Variants in CARMIL1 observed in about 807,000 individuals in gnomAD.
The protein encoded by CARMIL1 is F-actin-uncapping protein LRRC16A.
In CARMIL1, 90 loss-of-function variants were observed where a neutral mutation model predicts 177.1. The ratio of observed to expected loss-of-function variants is 0.51; its 90% CI spans 0.43 to 0.61. The LOEUF is 0.61. Among genes scored for constraint, CARMIL1 ranks in the 20% least tolerant of loss-of-function variants. CARMIL1 has a pLI of 0.00. For synonymous variants in CARMIL1, 577 were observed against 606.2 expected, an observed-to-expected ratio of 0.95 and a Z score of 0.71; for missense variants, 1,380 against 1,667.0, an observed-to-expected ratio of 0.83 and a Z score of 3.00.
intron 2 of CARMIL1, among the ~76,000 whole-genome samples, chr6:25,374,169 T>G (rs1790747747): frequency 6.6e-6 from 1 of 152,238 alleles, no homozygotes; most frequent in Admixed American, 6.5e-5. Context: ...AGGCATTTAG[T>G]GCTATAAACT....
intron 33 of CARMIL1, among the ~76,000 whole-genome samples, chr6:25,604,272 G>A (rs756096300): frequency 6.6e-6 from 1 of 152,024 alleles, no homozygotes; most frequent in African/African-American, 2.4e-5. Flanking sequence ...GAGATGGGGG[G>A]TCTCACTATG....
chr6:25,434,225 A>C (rs1442444740), intron 4 of CARMIL1, among the ~76,000 whole-genome samples: 1 of 152,082 alleles, frequency 6.6e-6, no homozygotes, highest in East Asian at 1.9e-4. Flanking sequence ...TTGAGATTAA[A>C]GAAAATGGCA....
chr6:25,289,119 A>G (rs1319939453), intron 2 of CARMIL1, among the ~76,000 whole-genome samples: 2 of 152,212 alleles, frequency 1.3e-5, no homozygotes, highest in Non-Finnish European at 2.9e-5. Flanking sequence ...TAGGCTCTCC[A>G]TCATTAGGAG....
chr6:25,428,087 T>C (rs1259690933), intron 4 of CARMIL1, among the ~76,000 whole-genome samples: 1 of 152,212 alleles, frequency 6.6e-6, no homozygotes, highest in African/African-American at 2.4e-5. Context: ...TGAATAAATC[T>C]TTGCTTAACC....
Position 25,322,164 on chromosome 6 carries a change from C to T in CARMIL1, c.138+37255C>T, listed in dbSNP as rs570955024. ...TTGAGACAGAGTCTCGCTCTGTCAC[C>T]CAGGCAGGAGTGCAGTGGCACTATC... On this transcript the variant is annotated intron_variant, in intron 2 of 36. Coordinates refer to ENST00000329474, the MANE Select transcript of CARMIL1 (RefSeq NM_017640.6). 5.1e-4 allele frequency among the ~76,000 whole-genome samples: 77 copies of T among 152,160 alleles called. 1 individual carries two copies. Among genetic ancestry groups the T allele is most frequent in the Non-Finnish European group, 9.3e-4 (63 of 67,990 alleles).
intron 8 of CARMIL1, among the ~76,000 whole-genome samples, chr6:25,451,520 T>G (rs114623519): frequency 0.032 from 4,909 of 152,290 alleles, 147 homozygotes; most frequent in African/African-American, 0.08. Flanking sequence ...ACAAGTTATT[T>G]GAGAAACTTT....
At chr6:25,525,886 C>CA (rs1255025364) in intron 23 of CARMIL1, among the ~76,000 whole-genome samples, 1 of 151,162 alleles carries the variant, frequency 6.6e-6, no homozygotes, top group Non-Finnish European at 1.5e-5. Flanking sequence ...GAGACAGTAG[C>CA]AAAAAAGAAA....
intron 3 of CARMIL1, among the ~76,000 whole-genome samples, chr6:25,421,319 A>G (rs929742073): frequency 1.3e-5 from 2 of 152,092 alleles, no homozygotes; most frequent in Non-Finnish European, 2.9e-5. Flanking sequence ...CAAAACCACA[A>G]TGAGATACCA....
intron 31 of CARMIL1, among the ~76,000 whole-genome samples, chr6:25,584,135 A>G: frequency 6.6e-6 from 1 of 150,440 alleles, no homozygotes; most frequent in East Asian, 2.0e-4. Context: ...TCAAGCAATA[A>G]CAATCTTCCC....
chr6:25,429,051 T>A (rs957704172), intron 4 of CARMIL1, among the ~76,000 whole-genome samples: 3 of 152,200 alleles, frequency 2.0e-5, no homozygotes, highest in African/African-American at 7.2e-5. Context: ...GAGATATTCC[T>A]CCATTGGTGG....
intron 2 of CARMIL1, among the ~76,000 whole-genome samples, chr6:25,309,571 C>T (rs1022613658): frequency 1.3e-5 from 2 of 151,228 alleles, no homozygotes; most frequent in African/African-American, 4.9e-5. Flanking sequence ...AACAGCTAGT[C>T]TACTTTCTGT....
chr6:25,618,998 G>T (rs536815180), intron 36 of CARMIL1, among the ~76,000 whole-genome samples: 2 of 152,288 alleles, frequency 1.3e-5, no homozygotes, highest in African/African-American at 4.8e-5. Context: ...TCTGCAGAAG[G>T]CATCGAATGG....
At chr6:25,323,776 T>A (rs1784862811) in intron 2 of CARMIL1, among the ~76,000 whole-genome samples, 1 of 152,270 alleles carries the variant, frequency 6.6e-6, no homozygotes, top group Non-Finnish European at 1.5e-5. Context: ...GTTCCATTCA[T>A]CATCTTCACA....
rs114016585 is a variant in CARMIL1 at position 25,326,026 on chromosome 6, C to T, written c.138+41117C>T. 7.1e-4 allele frequency among the ~76,000 whole-genome samples: 108 copies of T among 152,212 alleles called. 1 individual carries two copies. The highest frequency in any genetic ancestry group is 1.8e-3 in the African/African-American group (73 of 41,526). ...TTGGGACTACAGGCGCGCACCAGCT[C>T]GCCCGGCTAATTTTTTGTATTTTAG... On this transcript the variant is annotated intron_variant, in intron 2 of 36. Transcript: ENST00000329474. This position sits in a 1 kb window ranked among gnomAD's most constrained non-coding sequence, Gnocchi z 4.2.
Position 25,472,419 on chromosome 6 carries a change from A to G in CARMIL1, c.780-8A>G. 6.5e-7 allele frequency: 1 copy of G among 1,546,040 alleles called. No individual in the cohort carries two copies. Among genetic ancestry groups the G allele is most frequent in the African/African-American group, 1.4e-5 (1 of 73,402 alleles). ...GTTATTTAATCTTATTGTTTTGTTT[A>G]CACGCAGAGATTTTGCACAAAAACT... is the stretch of plus-strand genomic sequence containing the variant. On this transcript the variant is annotated splice_polypyrimidine_tract_variant and splice_region_variant and intron_variant, in intron 10 of 36. Transcript: ENST00000329474.
Position 25,604,793 on chromosome 6 carries a change from T to C in CARMIL1, c.3553-19T>C. ...AATAAATGTGCACTTTTTGGGGGGA[T>C]GGTGCTTGAATTTTTTAGAAGCTTG... is the stretch of plus-strand genomic sequence containing the variant. On this transcript the variant is annotated intron_variant, in intron 33 of 36. Transcript: ENST00000329474. 6.4e-7 allele frequency: 1 copy of C among 1,562,824 alleles called. No homozygotes were observed. Among genetic ancestry groups the C allele is most frequent in the Non-Finnish European group, 8.7e-7 (1 of 1,150,818 alleles).
chr6:25,477,929 C>T (rs1016511500), intron 11 of CARMIL1, among the ~76,000 whole-genome samples: 1 of 139,960 alleles, frequency 7.1e-6, no homozygotes, highest in Non-Finnish European at 1.5e-5. Flanking sequence ...AATAATGGCT[C>T]ACTGCAACCT....
intron 2 of CARMIL1, among the ~76,000 whole-genome samples, chr6:25,409,718 G>GCA (rs374393118): frequency 2.0e-5 from 3 of 151,810 alleles, no homozygotes; most frequent in East Asian, 1.9e-4. Flanking sequence ...CGAGAATTGT[G>GCA]CACACACACA....
intron 8 of CARMIL1, 103 bp from the exon 9 acceptor site, chr6:25,465,770 A>G (rs1480535878): frequency 1.3e-6 from 1 of 743,522 alleles, no homozygotes; most frequent in Admixed American, 2.1e-5. Flanking sequence ...GTTTCTGAAT[A>G]ATAGAAATTA....
Sources: gnomAD v4.1 joint callset for allele counts (sites outside exome capture counted in the v4.1 genomes callset) on GRCh38, gnomAD v4.1.1 for gene constraint, Gnocchi (gnomAD v3.1) non-coding constraint, MANE v1.5 for transcripts, NCBI Gene and HGNC (gene_info 2026-07-23, HGNC 2026-07-21) for gene names.